Variants in LOXHD1 observed in about 807,000 individuals in gnomAD.
LOXHD1 encodes the protein lipoxygenase homology domain-containing protein 1.
Under a neutral mutation model 248.2 loss-of-function variants are expected in LOXHD1, and 205 were observed. The ratio of observed to expected loss-of-function variants is 0.83; its 90% CI spans 0.74 to 0.93. The LOEUF (loss-of-function observed/expected upper bound fraction) is 0.93, where lower values mean the gene tolerates loss of function less well. LOXHD1 is among the 40% of genes least tolerant of loss of function. The pLI, the probability that LOXHD1 is intolerant of heterozygous loss-of-function variation, is 0.00. For missense variants in LOXHD1, 2,930 were observed against 2,971.6 expected (o/e 0.99, Z 0.33); for synonymous variants, 1,113 against 1,162.8 (o/e 0.96, Z 0.87).
At chr18:46,589,135 C>T (rs2038117658) in intron 12 of LOXHD1, among the ~76,000 whole-genome samples, 1 of 152,192 alleles carries the variant, frequency 6.6e-6, no homozygotes, top group Non-Finnish European at 1.5e-5. Context: ...AAACTGTTCT[C>T]ATGAATGCAG....
At chr18:46,637,412 C>G (rs1234267713) in intron 4 of LOXHD1, among the ~76,000 whole-genome samples, 2 of 152,142 alleles carry the variant, frequency 1.3e-5, no homozygotes, top group African/African-American at 4.8e-5. Context: ...CTTCTCCTGA[C>G]AGTGGAACCC....
intron 7 of LOXHD1, among the ~76,000 whole-genome samples, 179 bp downstream of exon 7, chr18:46,603,927 C>T (rs2038375475): frequency 1.3e-5 from 2 of 152,216 alleles, no homozygotes; most frequent in Admixed American, 1.3e-4. Context: ...CCTCTGGCAA[C>T]AACAGAGCCC....
chr18:46,602,957 C>A lies in LOXHD1; in HGVS notation c.883+1149G>T, dbSNP rs542134206. Among the ~76,000 whole-genome samples the A allele has an allele frequency of 3.9e-5, 6 of 152,234 alleles. No homozygotes were observed. In the East Asian group the frequency reaches 1.2e-3, roughly 29 times the overall value. On this transcript the variant is annotated intron_variant, in intron 7 of 40. Coordinates refer to ENST00000642948, the MANE Select transcript of LOXHD1 (RefSeq NM_001384474.1). ...TTCACATATTCAGTATATATTAATT[C>A]TATTCGAGTATGTTTTTAAGTAAAC...
chr18:46,512,888 A>T (rs909014974), intron 34 of LOXHD1, among the ~76,000 whole-genome samples: 2 of 152,230 alleles, frequency 1.3e-5, no homozygotes, highest in African/African-American at 4.8e-5. Flanking sequence ...CACACTCAAC[A>T]GCTCAGGAAA....
At chr18:46,604,265 G>A in intron 6 of LOXHD1, 36 bp from the exon 7 acceptor site, 1 of 1,550,572 alleles carries the variant, frequency 6.4e-7, no homozygotes, top group Non-Finnish European at 8.7e-7. Context: ...ATGTAGATAA[G>A]TGTTGTTGAG....
rs1248456827 is a variant in LOXHD1, at chr18:46,559,446, A to G, written c.3216+2T>C. On this transcript the variant is annotated splice_donor_variant, in intron 20 of 40. Transcript: ENST00000642948. LOFTEE classifies it high-confidence loss of function. ...CCCAGGGGCCAGAGACCCTCACCCT[A>G]CCTGCCCCTGCTCAAATTTGTTGGA... 1.3e-6 allele frequency: 2 copies of G among 1,551,676 alleles called. No homozygotes were observed. Among genetic ancestry groups the G allele is most frequent in the South Asian group, 1.2e-5 (1 of 84,034 alleles).
chr18:46,513,930 G>A (rs763571074), intron 34 of LOXHD1, among the ~76,000 whole-genome samples: 7 of 152,264 alleles, frequency 4.6e-5, no homozygotes, highest in Middle Eastern at 3.4e-3. Flanking sequence ...GCAGGGAGTT[G>A]GCTTCAGTGA....
chr18:46,527,502 G>A (rs1169841295), intron 29 of LOXHD1, among the ~76,000 whole-genome samples: 1 of 152,172 alleles, frequency 6.6e-6, no homozygotes, highest in East Asian at 1.9e-4. Context: ...TAGGGTGGAG[G>A]AAAAGGAGGC....
chr18:46,542,651 C>T (rs1313623722), intron 24 of LOXHD1, 76 bp downstream of exon 24: 42 of 1,518,226 alleles, frequency 2.8e-5, no homozygotes, highest in Non-Finnish European at 3.6e-5. Context: ...TTTCCAGAAT[C>T]TTTCCCAGAT....
rs1394276292 is a variant in LOXHD1, at chr18:46,610,923, C to G, written c.612G>C (p.Gly204=). The G allele has an allele frequency of 1.9e-6, 3 of 1,551,766 alleles. No homozygotes were observed. The highest frequency in any genetic ancestry group is 2.6e-6 in the Non-Finnish European group (3 of 1,146,986). The part of the protein sequence containing the change: ...INIFGEYGDT[G]ERRLENEKDN... ...CCTTTTCATTTTCTAGCCTACGCTC[C>G]CCTGTATGCACAGACATACAAAAGA... is the stretch of plus-strand genomic sequence containing the variant. The change falls in exon 6 of 41, where the codon GGG becomes GGC. Residue 204 remains glycine, a splice_region_variant and synonymous_variant. Transcript: ENST00000642948.
Position 46,591,826 on chromosome 18 carries a change from C to T in LOXHD1, c.1654+107G>A, listed in dbSNP as rs186107750. On this transcript the variant is annotated intron_variant, in intron 12 of 40. Coordinates refer to ENST00000642948, the MANE Select transcript of LOXHD1 (RefSeq NM_001384474.1). ...AAATCCACTCTGGCACTCTAAGGGG[C>T]CTGAAGATGCAAAGCAGACAAGACT... The T allele has an allele frequency of 3.5e-5, 48 of 1,386,570 alleles. No individual in the cohort carries two copies. In the East Asian group the frequency reaches 1.2e-3, roughly 35 times the overall value. 85.9% of individuals were successfully genotyped at this position (1,386,570 alleles called of 1,614,324 possible).
rs767773494 is a variant in LOXHD1, at chr18:46,505,958, C to T, written c.5758G>A (p.Ala1920Thr). Residue 1920 changes from alanine (A) to threonine (T), a missense_variant, in exon 37 of 41, where the codon GCC becomes ACC. Physicochemically the swap from Ala to Thr is moderately conservative, Grantham distance 58. Transcript: ENST00000642948. ...FGENGDSGTL[A>T]LKQSANWNKF... Reference sequence around the variant, plus strand: ...TTCCAGTTTGCCGACTGCTTCAGGGCCAGTGTCCCACTATCCCCGTTCTCC... The same window carrying T: ...TTCCAGTTTGCCGACTGCTTCAGGGTCAGTGTCCCACTATCCCCGTTCTCC... 4 of 1,552,098 alleles carry T rather than the reference C, an allele frequency of 2.6e-6. No individual in the cohort carries two copies. The highest frequency in any genetic ancestry group is 2.7e-5 in the African/African-American group (2 of 73,044).
At chr18:46,623,554 C>G (rs1443690627) in intron 4 of LOXHD1, among the ~76,000 whole-genome samples, 3 of 152,250 alleles carry the variant, frequency 2.0e-5, no homozygotes, top group African/African-American at 7.2e-5. Context: ...TCTGTGCCCC[C>G]CTTGCCCTGC....
In LOXHD1 at chr18:46,477,601, G is replaced by T; in HGVS notation, c.6693C>A (p.Gly2231=). Reference sequence around the variant, plus strand: ...TGACCTCCACCTTCTCCACCAGCCAGCCTGAGCAGTAGCCACTGCTGTCGT... The same window carrying T: ...TGACCTCCACCTTCTCCACCAGCCATCCTGAGCAGTAGCCACTGCTGTCGT... The part of the protein sequence containing the change: ...LEHDSSGYCS[G]WLVEKVEVTN... Residue 2231 remains glycine, a synonymous_variant, in exon 41 of 41, where the codon GGC becomes GGA. Transcript: ENST00000642948. The T allele has an allele frequency of 6.4e-7, 1 of 1,551,724 alleles. No homozygotes were observed. The highest frequency in any genetic ancestry group is 8.7e-7 in the Non-Finnish European group (1 of 1,147,012).
chr18:46,573,777 T>G (rs2037802199), intron 14 of LOXHD1, among the ~76,000 whole-genome samples: 3 of 152,344 alleles, frequency 2.0e-5, no homozygotes, highest in Non-Finnish European at 2.9e-5. Context: ...CCATGAGACC[T>G]TGCTCTCAGT....
rs187969046 is a variant in LOXHD1 at position 46,488,937 on chromosome 18, G to A, written c.6049+35C>T. The A allele has an allele frequency of 3.1e-4, 472 of 1,538,828 alleles. 7 individuals carry two copies. The East Asian group carries it at 6.1e-3, about 20-fold the overall frequency. On this transcript the variant is annotated intron_variant, in intron 38 of 40. Transcript: ENST00000642948. ...TCTTCTTATTCCAGCACCATTCCCT[G>A]CCTCCCTCCTGAGCCAATGATCTCC...
chr18:46,576,161 T>A (rs1170412499), intron 14 of LOXHD1, among the ~76,000 whole-genome samples: 1 of 152,236 alleles, frequency 6.6e-6, no homozygotes, highest in Non-Finnish European at 1.5e-5. Context: ...GACTATAAAC[T>A]CCATGAGGAC....
At chr18:46,625,100 C>G (rs1022174858) in intron 4 of LOXHD1, among the ~76,000 whole-genome samples, 1 of 152,150 alleles carries the variant, frequency 6.6e-6, no homozygotes, top group African/African-American at 2.4e-5. Flanking sequence ...AAGGGTGCAG[C>G]CTAGATTTGG....
intron 17 of LOXHD1, among the ~76,000 whole-genome samples, chr18:46,563,719 T>C (rs1214089763): frequency 6.6e-6 from 1 of 152,122 alleles, no homozygotes; most frequent in African/African-American, 2.4e-5. Context: ...GATAAGAGTC[T>C]TTAAAGAGGT....
Sources: gnomAD v4.1 joint callset for allele counts (sites outside exome capture counted in the v4.1 genomes callset) on GRCh38, gnomAD v4.1.1 for gene constraint, MANE v1.5 for transcripts, NCBI Gene and HGNC (gene_info 2026-07-23, HGNC 2026-07-21) for gene names.